CCDC178: variants seen among roughly 807,000 people sequenced by gnomAD.
CCDC178 encodes coiled-coil domain containing 178, also known as coiled-coil domain-containing protein 178.
Under a neutral mutation model 117.4 loss-of-function variants are expected in CCDC178, and 126 were observed. The ratio of observed to expected loss-of-function variants is 1.07; its 90% CI spans 0.93 to 1.24. The LOEUF (loss-of-function observed/expected upper bound fraction) is 1.24, where lower values mean the gene tolerates loss of function less well. Ranked by LOEUF, CCDC178 falls within the 50% of genes most tolerant of loss-of-function variation. The probability of loss-of-function intolerance (pLI) is 0.00; values close to 1 mark genes in which losing one functional copy is unlikely to be tolerated. For missense variants in CCDC178, 1,030 were observed against 986.9 expected (o/e 1.04, Z -0.59); for synonymous variants, 283 against 313.4 (o/e 0.90, Z 1.02).
chr18:33,127,060 C>A (rs889172600), intron 20 of CCDC178, among the ~76,000 whole-genome samples: 7 of 148,282 alleles, frequency 4.7e-5, no homozygotes, highest in African/African-American at 1.8e-4. Flanking sequence ...GCAATTCAAA[C>A]CTGTGTTGTT....
At chr18:33,343,363 A>C (rs900169437) in intron 9 of CCDC178, among the ~76,000 whole-genome samples, 1 of 152,202 alleles carries the variant, frequency 6.6e-6, no homozygotes, top group Non-Finnish European at 1.5e-5. Flanking sequence ...CAAATTCATG[A>C]TGGTAAGCTT....
intron 2 of CCDC178, among the ~76,000 whole-genome samples, chr18:33,427,655 G>A (rs555537041): frequency 3.3e-5 from 5 of 152,050 alleles, no homozygotes; most frequent in South Asian, 2.1e-4. Flanking sequence ...GCACATCTTC[G>A]GAAAGATTAA....
intron 22 of CCDC178, among the ~76,000 whole-genome samples, chr18:32,938,484 A>G (rs191743768): frequency 6.6e-6 from 1 of 152,144 alleles, no homozygotes; most frequent in African/African-American, 2.4e-5. Flanking sequence ...GCTTCTGTTC[A>G]TAGTGCTTCA....
intron 2 of CCDC178, among the ~76,000 whole-genome samples, chr18:33,413,055 G>C (rs554074580): frequency 6.6e-6 from 1 of 152,046 alleles, no homozygotes; most frequent in African/African-American, 2.4e-5. Context: ...AACTCAAAGT[G>C]CTGAACAGAA....
intron 7 of CCDC178, 58 bp from the exon 8 acceptor site, chr18:33,349,033 T>G: frequency 5.8e-6 from 6 of 1,036,250 alleles, no homozygotes; most frequent in Non-Finnish European, 8.7e-6. Flanking sequence ...TAAAACAAAT[T>G]TTAGGTTATG....
At chr18:33,119,399 G>A (rs2057904656) in intron 20 of CCDC178, among the ~76,000 whole-genome samples, 1 of 152,174 alleles carries the variant, frequency 6.6e-6, no homozygotes, top group South Asian at 2.1e-4. Flanking sequence ...TTTCTCAAAA[G>A]AAGACATTTA....
intron 20 of CCDC178, among the ~76,000 whole-genome samples, chr18:33,142,281 C>A (rs1334733039): frequency 6.6e-6 from 1 of 152,168 alleles, no homozygotes; most frequent in Admixed American, 6.5e-5. Flanking sequence ...AAAGGCTTAT[C>A]CAGCCCGAGA....
chr18:33,021,099 T>C (rs1337747729), intron 21 of CCDC178, among the ~76,000 whole-genome samples: 1 of 152,174 alleles, frequency 6.6e-6, no homozygotes, highest in Non-Finnish European at 1.5e-5. Flanking sequence ...CAACCAACAT[T>C]ACATACACTC....
intron 20 of CCDC178, among the ~76,000 whole-genome samples, chr18:33,105,027 G>C (rs151299436): frequency 9.9e-5 from 15 of 151,744 alleles, no homozygotes; most frequent in African/African-American, 3.6e-4. Flanking sequence ...GATACGAAGA[G>C]AAGTAGAGGC....
chr18:33,228,553 T>C (rs1183866623), intron 15 of CCDC178, among the ~76,000 whole-genome samples: 1 of 152,234 alleles, frequency 6.6e-6, no homozygotes, highest in East Asian at 1.9e-4. Context: ...TTGAAATCTG[T>C]GTACAAAACC....
chr18:33,253,960 T>C (rs1252019587), intron 14 of CCDC178, among the ~76,000 whole-genome samples: 1 of 151,886 alleles, frequency 6.6e-6, no homozygotes, highest in Non-Finnish European at 1.5e-5. Flanking sequence ...CTGAATAACA[T>C]AAATGATTCA....
chr18:33,330,219 T>C (rs1423103564), intron 10 of CCDC178, among the ~76,000 whole-genome samples: 1 of 152,170 alleles, frequency 6.6e-6, no homozygotes, highest in East Asian at 1.9e-4. Flanking sequence ...AAAATGTGTT[T>C]ACTTTTACTA....
At chr18:33,121,804 A>G (rs536453885) in intron 20 of CCDC178, among the ~76,000 whole-genome samples, 1 of 152,254 alleles carries the variant, frequency 6.6e-6, no homozygotes, top group Admixed American at 6.6e-5. Flanking sequence ...ATACAGTCAC[A>G]TGCCATGTAA....
rs544855686 is a variant in CCDC178 at position 33,417,200 on chromosome 18, T to C, written c.-22-5090A>G. ...AACCTGCACGCTACCTAGATGTCTCTCAGTGGGTGAATGGCTAAACAAATT... is the reference window on the plus strand; with the variant it reads ...AACCTGCACGCTACCTAGATGTCTCCCAGTGGGTGAATGGCTAAACAAATT... On this transcript the variant is annotated intron_variant, in intron 2 of 22. Transcript: ENST00000383096. Among the ~76,000 whole-genome samples, 4 of 152,256 alleles carry C rather than the reference T, an allele frequency of 2.6e-5. No individual in the cohort carries two copies. In the East Asian group the frequency reaches 7.7e-4, roughly 29 times the overall value.
At chr18:33,192,230 T>C (rs747819094) in intron 20 of CCDC178, among the ~76,000 whole-genome samples, 2 of 152,148 alleles carry the variant, frequency 1.3e-5, no homozygotes, top group African/African-American at 2.4e-5. Flanking sequence ...TAATTTCCTA[T>C]AGCAGAGTTT....
intron 3 of CCDC178, among the ~76,000 whole-genome samples, chr18:33,405,337 T>C (rs2063766731): frequency 2.6e-5 from 4 of 151,686 alleles, no homozygotes; most frequent in Admixed American, 2.6e-4. Context: ...ATAATGTATA[T>C]GAAAGAAAAC....
chr18:32,985,191 A>T (rs577275575), intron 21 of CCDC178, among the ~76,000 whole-genome samples: 88 of 152,144 alleles, frequency 5.8e-4, no homozygotes, highest in African/African-American at 2.0e-3. Flanking sequence ...ATTAAATTTC[A>T]TTATAAATAC....
chr18:33,423,682 T>C (rs1285659063), intron 2 of CCDC178, among the ~76,000 whole-genome samples: 3 of 152,156 alleles, frequency 2.0e-5, no homozygotes, highest in African/African-American at 7.2e-5. Flanking sequence ...CTTTGTTAAT[T>C]CTTTGCATTA....
rs544849662 is a variant in CCDC178 at position 33,262,884 on chromosome 18, T to A, written c.1409+4032A>T. On this transcript the variant is annotated intron_variant, in intron 14 of 22. Coordinates refer to ENST00000383096, the MANE Select transcript of CCDC178 (RefSeq NM_001105528.4). Reference sequence around the variant, plus strand: ...TTAAGTCAGATTAGACTGCAAAAAATGAGAGGAGGTTAATATTCTGAACCT... The same window carrying A: ...TTAAGTCAGATTAGACTGCAAAAAAAGAGAGGAGGTTAATATTCTGAACCT... Among the ~76,000 whole-genome samples, 10 of 152,250 alleles carry A rather than the reference T, an allele frequency of 6.6e-5. No homozygotes were observed. The East Asian group carries it at 1.9e-3, about 29-fold the overall frequency.
Sources: gnomAD v4.1 joint callset for allele counts (sites outside exome capture counted in the v4.1 genomes callset) on GRCh38, gnomAD v4.1.1 for gene constraint, MANE v1.5 for transcripts, NCBI Gene and HGNC (gene_info 2026-07-23, HGNC 2026-07-21) for gene names.